The following NCKAP1 variants were observed in gnomAD, a reference collection of about 807,000 sequenced individuals.
The protein encoded by NCKAP1 is NCK associated protein 1.
In NCKAP1, 21 loss-of-function variants were observed where a neutral mutation model predicts 151.2. That is an observed-to-expected ratio of 0.14 (90% CI 0.10 to 0.20). NCKAP1 has a LOEUF of 0.20. Among genes scored for constraint, NCKAP1 ranks in the 10% least tolerant of loss-of-function variants. NCKAP1 has a pLI of 1.00. For synonymous variants in NCKAP1, 484 were observed against 451.8 expected, an observed-to-expected ratio of 1.07 and a Z score of -0.90; for missense variants, 933 against 1,352.1, an observed-to-expected ratio of 0.69 and a Z score of 4.86.
At chr2:182,954,966 C>T (rs1697295057) in intron 20 of NCKAP1, among the ~76,000 whole-genome samples, 1 of 152,050 alleles carries the variant, frequency 6.6e-6, no homozygotes, top group Non-Finnish European at 1.5e-5. Context: ...CTGAACTCTC[C>T]CTTCCACCCA....
intron 13 of NCKAP1, among the ~76,000 whole-genome samples, chr2:182,979,660 A>C (rs1223035811): frequency 6.6e-6 from 1 of 152,120 alleles, no homozygotes; most frequent in African/African-American, 2.4e-5. Flanking sequence ...AACTATGCTA[A>C]CAGGTTTACA....
Position 182,914,923 on chromosome 2 carries a change from CA to C in NCKAP1, c.*10778del, listed in dbSNP as rs1195116661. The C allele has an allele frequency of 6.6e-6, 1 of 152,130 alleles. No homozygotes were observed. The highest frequency in any genetic ancestry group is 1.5e-5 in the Non-Finnish European group (1 of 68,042). The allele number at this position is 152,130 out of a possible 1,614,324, so 9.4% of individuals were successfully genotyped here. On this transcript the variant is annotated 3_prime_UTR_variant, in exon 31 of 31. Transcript: ENST00000361354. ...TTCCATCCCTTCCCTTTAAAGAAATCAGATTTTGTAAACAGTGAAAAAACCA... is the reference window on the plus strand; with the variant it reads ...TTCCATCCCTTCCCTTTAAAGAAATCGATTTTGTAAACAGTGAAAAAACCA...
At position 182,962,290 on chromosome 2, in the gene NCKAP1, G is replaced by C. The variant is rs2271671; in HGVS notation, c.1762-12C>G. ...CCAATATGATGTCGCTGTGAAGGCA[G>C]AATAATAATAATAATACAAGTTATA... On this transcript the variant is annotated splice_polypyrimidine_tract_variant and intron_variant, in intron 17 of 30. Transcript: ENST00000361354. 6.4e-7 allele frequency: 1 copy of C among 1,570,106 alleles called. No homozygotes were observed. Among genetic ancestry groups the C allele is most frequent in the Non-Finnish European group, 8.7e-7 (1 of 1,149,552 alleles).
chr2:182,937,437 G>A (rs1284523781), intron 24 of NCKAP1, among the ~76,000 whole-genome samples: 2 of 152,120 alleles, frequency 1.3e-5, no homozygotes, highest in Admixed American at 6.5e-5. Context: ...GAGGCTATGT[G>A]GGTCTTGGAC....
chr2:183,020,558 CAT>C (rs1186848893), intron 2 of NCKAP1, among the ~76,000 whole-genome samples: 6 of 151,010 alleles, frequency 4.0e-5, no homozygotes, highest in Admixed American at 2.6e-4. Context: ...AATTGGGGGA[CAT>C]GTGTTACTTG....
rs183981045 is a variant in NCKAP1 at position 182,966,578 on chromosome 2, G to A, written c.1628+638C>T. Among the ~76,000 whole-genome samples the A allele has an allele frequency of 1.3e-3, 201 of 152,242 alleles. 1 individual carries two copies. Among genetic ancestry groups the A allele is most frequent in the East Asian group, 6.8e-3 (35 of 5,182 alleles). ...TGGGATTATAGGCGTGAGCCACCGCGCCTGGCCACCACACTGTTTATCAAT... is the reference window on the plus strand; with the variant it reads ...TGGGATTATAGGCGTGAGCCACCGCACCTGGCCACCACACTGTTTATCAAT... On this transcript the variant is annotated intron_variant, in intron 16 of 30. Coordinates refer to ENST00000361354, the MANE Select transcript of NCKAP1 (RefSeq NM_013436.5).
chr2:182,982,255 T>C (rs1231835212), intron 12 of NCKAP1, among the ~76,000 whole-genome samples: 1 of 152,148 alleles, frequency 6.6e-6, no homozygotes, highest in African/African-American at 2.4e-5. Context: ...AAAGCCCTAA[T>C]TTAAAACTAA....
rs930105866 is a variant in NCKAP1 at position 182,910,713 on chromosome 2, C to A, written c.*14989G>T. On this transcript the variant is annotated 3_prime_UTR_variant, in exon 31 of 31. Coordinates refer to ENST00000361354, the MANE Select transcript of NCKAP1 (RefSeq NM_013436.5). ...AGGGGTCCTCAGCACCCTCATAGGTCATGCATCCTCAAAACCTTTTCTTCT... is the reference window on the plus strand; with the variant it reads ...AGGGGTCCTCAGCACCCTCATAGGTAATGCATCCTCAAAACCTTTTCTTCT... 3 of 152,186 alleles carry A rather than the reference C, an allele frequency of 2.0e-5. No individual in the cohort carries two copies. The highest frequency in any genetic ancestry group is 6.5e-5 in the Admixed American group (1 of 15,274). The allele number at this position is 152,186 out of a possible 1,614,324, so 9.4% of individuals were successfully genotyped here. A position where few individuals can be genotyped will look rare whatever the true frequency, so the allele number is the denominator to read the frequency against.
chr2:183,020,480 AG>A lies in NCKAP1; in HGVS notation c.219+3325del, dbSNP rs1378448425. 4.1e-4 allele frequency among the ~76,000 whole-genome samples: 60 copies of A among 145,286 alleles called. 1 individual carries two copies. Among genetic ancestry groups the A allele is most frequent in the African/African-American group, 1.2e-3 (44 of 37,648 alleles). ...ACCGTGTCCCAAAAAAAAAAAAAAA[AG>A]AAAAAAAAGAAAAAAAAATTTATTG... On this transcript the variant is annotated intron_variant, in intron 2 of 30. Transcript: ENST00000361354.
At chr2:183,022,931 A>C (rs905377076) in intron 2 of NCKAP1, 1 of 152,236 alleles carries the variant, frequency 6.6e-6, no homozygotes. Flanking sequence ...TAACTGACGC[A>C]GAACAATCAA....
chr2:183,032,920 T>C (rs1314633339), intron 1 of NCKAP1, among the ~76,000 whole-genome samples: 1 of 152,102 alleles, frequency 6.6e-6, no homozygotes, highest in Non-Finnish European at 1.5e-5. Context: ...CATGGTGGCA[T>C]GTGCCTATAG....
At chr2:183,013,735 C>CT (rs1335710788) in intron 2 of NCKAP1, among the ~76,000 whole-genome samples, 4 of 152,188 alleles carry the variant, frequency 2.6e-5, no homozygotes, top group African/African-American at 9.7e-5. Flanking sequence ...AAGGTCCTCA[C>CT]TATGGTCCAG....
intron 23 of NCKAP1, chr2:182,947,082 C>T (rs1697123545): frequency 6.6e-6 from 1 of 152,248 alleles, no homozygotes; most frequent in African/African-American, 2.4e-5. Context: ...AGGTCATGTG[C>T]TTGATGAATT....
rs1336055132 is a variant in NCKAP1 at position 182,917,847 on chromosome 2, G to T, written c.*7855C>A. 1 of 152,182 alleles carries T rather than the reference G, an allele frequency of 6.6e-6. No individual in the cohort carries two copies. The highest frequency in any genetic ancestry group is 1.5e-5 in the Non-Finnish European group (1 of 68,028). The allele number at this position is 152,182 out of a possible 1,614,324, so 9.4% of individuals were successfully genotyped here. ...ATGTGGGATAAGACAGCCTAGGAAA[G>T]AAATCTGATTTACTAGAGATTAATC... On this transcript the variant is annotated 3_prime_UTR_variant, in exon 31 of 31. Coordinates refer to ENST00000361354, the MANE Select transcript of NCKAP1 (RefSeq NM_013436.5).
intron 1 of NCKAP1, among the ~76,000 whole-genome samples, chr2:183,028,233 A>G (rs1698935378): frequency 2.0e-5 from 3 of 152,078 alleles, no homozygotes; most frequent in Admixed American, 6.5e-5. Context: ...GTATTTCACT[A>G]CACAGAAAGA....
chr2:182,922,397 A>G lies in NCKAP1; in HGVS notation c.*3305T>C, dbSNP rs1696566162. 1.3e-5 allele frequency: 2 copies of G among 152,254 alleles called. No homozygotes were observed. Among genetic ancestry groups the G allele is most frequent in the Non-Finnish European group, 2.9e-5 (2 of 68,056 alleles). The allele number at this position is 152,254 out of a possible 1,614,324, so 9.4% of individuals were successfully genotyped here. A position where few individuals can be genotyped will look rare whatever the true frequency, so the allele number is the denominator to read the frequency against. Reference sequence around the variant, plus strand: ...GTGAACTCTGCTATATAAGCAAAGAAGAAAGCAAGCAAGCACATGATCAGA... The same window carrying G: ...GTGAACTCTGCTATATAAGCAAAGAGGAAAGCAAGCAAGCACATGATCAGA... On this transcript the variant is annotated 3_prime_UTR_variant, in exon 31 of 31. Transcript: ENST00000361354.
In NCKAP1 at chr2:183,038,384, A is replaced by G. The variant is rs1383950648; in HGVS notation, c.-285T>C. ...CCGGCGCTCTCCGCCCCAGCCCCCA[A>G]CGAGCCGCCTTCCCCGGCTGCTCCA... On this transcript the variant is annotated 5_prime_UTR_variant, in exon 1 of 31. Coordinates refer to ENST00000361354, the MANE Select transcript of NCKAP1 (RefSeq NM_013436.5). 1.3e-5 allele frequency: 3 copies of G among 230,942 alleles called. No individual in the cohort carries two copies. The highest frequency in any genetic ancestry group is 2.5e-5 in the Non-Finnish European group (3 of 121,970). 14.3% of individuals were successfully genotyped at this position (230,942 alleles called of 1,614,324 possible).
chr2:182,918,916 T>C lies in NCKAP1; in HGVS notation c.*6786A>G, dbSNP rs1019131146. 4 of 152,216 alleles carry C rather than the reference T, an allele frequency of 2.6e-5. No homozygotes were observed. The highest frequency in any genetic ancestry group is 7.2e-5 in the African/African-American group (3 of 41,460). 9.4% of individuals were successfully genotyped at this position (152,216 alleles called of 1,614,324 possible). A position where few individuals can be genotyped will look rare whatever the true frequency, so the allele number is the denominator to read the frequency against. ...TTGAGAGATCTGAGACACAGTTTAA[T>C]GAGAAGAACACAACTCTGGGGCCAG... is the stretch of plus-strand genomic sequence containing the variant. On this transcript the variant is annotated 3_prime_UTR_variant, in exon 31 of 31. Coordinates refer to ENST00000361354, the MANE Select transcript of NCKAP1 (RefSeq NM_013436.5).
rs776098301 is a variant in NCKAP1, at chr2:182,964,669, T to C, written c.1761+7A>G. ...CCATATAACTCACAGTAGTACACTA[T>C]AATTACCTCTTCTGGACATAGTTCA... On this transcript the variant is annotated splice_region_variant and intron_variant, in intron 17 of 30. Transcript: ENST00000361354. The C allele has an allele frequency of 6.3e-7, 1 of 1,589,270 alleles. No individual in the cohort carries two copies. Among genetic ancestry groups the C allele is most frequent in the Non-Finnish European group, 8.6e-7 (1 of 1,169,014 alleles).
Sources: allele counts gnomAD v4.1 joint callset (sites outside exome capture counted in the v4.1 genomes callset), GRCh38; gene constraint gnomAD v4.1.1; transcripts MANE v1.5; gene names NCBI Gene and HGNC (gene_info 2026-07-23, HGNC 2026-07-21).